ADGRL2: variants seen among roughly 807,000 people sequenced by gnomAD.
ADGRL2 encodes the protein adhesion G protein-coupled receptor L2, also known as calcium-independent alpha-latrotoxin receptor 2.
In ADGRL2, 44 loss-of-function variants were observed where a neutral mutation model predicts 157.4. The observed-to-expected ratio is 0.28, with a 90% CI of 0.22 to 0.36. The LOEUF is 0.36. Ranked by LOEUF, ADGRL2 falls within the 10% of genes least tolerant of loss-of-function variation. ADGRL2 has a pLI of 1.00. For missense variants in ADGRL2, 1,510 were observed against 1,768.9 expected (o/e 0.85, Z 2.63); for synonymous variants, 585 against 624.7 (o/e 0.94, Z 0.95).
chr1:81,362,394 A>AT (rs35038022), intron 1 of ADGRL2, among the ~76,000 whole-genome samples: 20 of 150,370 alleles, frequency 1.3e-4, no homozygotes, highest in African/African-American at 3.7e-4. Context: ...CTGTCTTTTG[A>AT]TTTTTTTTTT....
At chr1:81,956,113 G>T in intron 11 of ADGRL2, 53 bp downstream of exon 11, 1 of 1,318,872 alleles carries the variant, frequency 7.6e-7, no homozygotes, top group South Asian at 1.5e-5. Flanking sequence ...TCATATGTAA[G>T]AGGATGATGT....
chr1:81,752,052 A>C (rs960741684), intron 1 of ADGRL2, among the ~76,000 whole-genome samples: 1 of 152,154 alleles, frequency 6.6e-6, no homozygotes, highest in Non-Finnish European at 1.5e-5. Flanking sequence ...CATATGTTAC[A>C]GTCTTCATCT....
intron 1 of ADGRL2, among the ~76,000 whole-genome samples, chr1:81,307,933 T>G (rs1353113163): frequency 6.6e-6 from 1 of 152,196 alleles, no homozygotes; most frequent in African/African-American, 2.4e-5. Context: ...TACACAAGTA[T>G]TACTGTGCAG....
intron 1 of ADGRL2, among the ~76,000 whole-genome samples, chr1:81,319,135 C>T (rs554807661): frequency 3.3e-5 from 5 of 150,510 alleles, no homozygotes; most frequent in Admixed American, 1.3e-4. Context: ...TTAGTAGAGA[C>T]GGGGTTTCTC....
At chr1:81,886,235 G>A (rs913348465) in intron 2 of ADGRL2, among the ~76,000 whole-genome samples, 4 of 152,180 alleles carry the variant, frequency 2.6e-5, no homozygotes, top group East Asian at 3.9e-4. Context: ...GCAGTGGTGC[G>A]ATCTCAGCTC....
intron 3 of ADGRL2, among the ~76,000 whole-genome samples, chr1:81,617,424 C>T (rs12098225): frequency 0.74 from 112,570 of 152,126 alleles, 41,875 homozygotes; most frequent in African/African-American, 0.79. Flanking sequence ...CTAGTCTAGA[C>T]GACTCTTGGA....
At chr1:81,865,618 C>G (rs2093520367) in intron 2 of ADGRL2, among the ~76,000 whole-genome samples, 1 of 152,052 alleles carries the variant, frequency 6.6e-6, no homozygotes, top group South Asian at 2.1e-4. Context: ...CTGAGAGATA[C>G]CCAGGGAGTG....
At chr1:81,320,668 A>G (rs865995142) in intron 1 of ADGRL2, among the ~76,000 whole-genome samples, 2 of 152,224 alleles carry the variant, frequency 1.3e-5, no homozygotes, top group South Asian at 4.1e-4. Context: ...TTCTTTTCTG[A>G]GCAGTGGGTC....
rs116464437 is a variant in ADGRL2 at position 81,868,595 on chromosome 1, G to C, written c.73+31538G>C. 8.5e-3 allele frequency among the ~76,000 whole-genome samples: 1,291 copies of C among 151,990 alleles called. 18 individuals are homozygous for C. Among genetic ancestry groups the C allele is most frequent in the African/African-American group, 0.03 (1,225 of 41,442 alleles). On this transcript the variant is annotated intron_variant, in intron 2 of 23. Coordinates refer to ENST00000686636, the MANE Select transcript of ADGRL2 (RefSeq NM_001366006.2). ...ATCTATAGTTTCTTTGCCTAGGATC[G>C]TTGTCTCCTCCTCTTCTTATGATAA...
upstream of ADGRL2, among the ~76,000 whole-genome samples, chr1:81,699,300 A>C (rs1483433415): frequency 6.6e-6 from 1 of 152,234 alleles, no homozygotes; most frequent in Non-Finnish European, 1.5e-5. Context: ...GATTCTAAAA[A>C]GGAAACAAAC....
At chr1:81,723,515 T>C (rs2084407316) in intron 1 of ADGRL2, among the ~76,000 whole-genome samples, 1 of 152,208 alleles carries the variant, frequency 6.6e-6, no homozygotes, top group African/African-American at 2.4e-5. Flanking sequence ...GGGAAGATAC[T>C]TATGTATGGA....
intron 1 of ADGRL2, among the ~76,000 whole-genome samples, chr1:81,320,969 G>T (rs1660462149): frequency 6.6e-6 from 1 of 152,198 alleles, no homozygotes; most frequent in Non-Finnish European, 1.5e-5. Flanking sequence ...GATGGCATCT[G>T]TTTCCAATAT....
chr1:81,595,972 A>C (rs1410622579), intron 3 of ADGRL2, among the ~76,000 whole-genome samples: 1 of 152,094 alleles, frequency 6.6e-6, no homozygotes, highest in Non-Finnish European at 1.5e-5. Context: ...CACAGGGCGG[A>C]AGGGGTGAGG....
chr1:81,738,896 A>T (rs940270347), intron 1 of ADGRL2, among the ~76,000 whole-genome samples: 2 of 152,200 alleles, frequency 1.3e-5, no homozygotes, highest in African/African-American at 4.8e-5. Flanking sequence ...TAACCTGGTT[A>T]TAAGGTTCCA....
chr1:81,512,487 A>G (rs1168979502), intron 2 of ADGRL2, among the ~76,000 whole-genome samples: 1 of 152,064 alleles, frequency 6.6e-6, no homozygotes, highest in Non-Finnish European at 1.5e-5. Context: ...CATTTTTAAG[A>G]TGGTTCTGAT....
intron 4 of ADGRL2, among the ~76,000 whole-genome samples, chr1:81,940,247 T>G (rs1393130842): frequency 2.0e-5 from 3 of 151,438 alleles, no homozygotes; most frequent in Non-Finnish European, 3.0e-5. Context: ...ATCCTTTCCT[T>G]AGGGGAAAAA....
At chr1:81,583,125 G>C (rs983296578) in intron 3 of ADGRL2, among the ~76,000 whole-genome samples, 4 of 152,092 alleles carry the variant, frequency 2.6e-5, no homozygotes, top group Non-Finnish European at 5.9e-5. Context: ...GCCATGTAAA[G>C]GACAAACTAT....
chr1:81,375,458 T>C (rs531772117), intron 1 of ADGRL2, among the ~76,000 whole-genome samples: 2 of 152,238 alleles, frequency 1.3e-5, no homozygotes, highest in South Asian at 4.1e-4. Context: ...AGAAGAGGGA[T>C]TTTATCAATT....
chr1:81,361,687 C>T (rs2075980683), intron 1 of ADGRL2, among the ~76,000 whole-genome samples: 1 of 151,878 alleles, frequency 6.6e-6, no homozygotes, highest in Non-Finnish European at 1.5e-5. Context: ...CTTTAAGCAA[C>T]AGAGAGTGAA....
Sources: allele counts gnomAD v4.1 joint callset (sites outside exome capture counted in the v4.1 genomes callset), GRCh38; gene constraint gnomAD v4.1.1; transcripts MANE v1.5; gene names NCBI Gene and HGNC (gene_info 2026-07-23, HGNC 2026-07-21).